Variants in COL18A1 observed in about 807,000 individuals in gnomAD.
COL18A1 encodes collagen type XVIII alpha 1 chain.
Under a neutral mutation model 168.0 loss-of-function variants are expected in COL18A1, and 133 were observed. That is an observed-to-expected ratio of 0.79 (90% CI 0.69 to 0.91). The LOEUF (loss-of-function observed/expected upper bound fraction) is 0.91, where lower values mean the gene tolerates loss of function less well. Among genes scored for constraint, COL18A1 ranks in the 40% least tolerant of loss-of-function variants. The pLI is 0.00. For missense variants in COL18A1, 2,126 were observed against 1,925.4 expected, an observed-to-expected ratio of 1.10 and a Z score of -1.95; for synonymous variants, 949 against 809.0, an observed-to-expected ratio of 1.17 and a Z score of -2.94.
chr21:45,451,148 G>A (rs1001094982), intron 2 of COL18A1, among the ~76,000 whole-genome samples: 6 of 152,238 alleles, frequency 3.9e-5, no homozygotes, highest in Non-Finnish European at 7.3e-5. Flanking sequence ...GAGTGGCTGC[G>A]TGCGGGTAGC....
chr21:45,407,183 C>A (rs1007538571), intron 2 of COL18A1, among the ~76,000 whole-genome samples: 1 of 152,254 alleles, frequency 6.6e-6, no homozygotes, highest in Admixed American at 6.5e-5. Flanking sequence ...AAAACAGTCG[C>A]CCCCTTTAGG....
intron 2 of COL18A1, among the ~76,000 whole-genome samples, chr21:45,464,111 C>G (rs4819120): frequency 0.14 from 21,630 of 152,046 alleles, 1,891 homozygotes; most frequent in African/African-American, 0.23. Flanking sequence ...CAGGAAGAGA[C>G]ACACATCTGC....
chr21:45,475,556 C>T (rs747555234), intron 5 of COL18A1, 21 bp downstream of exon 5: 3 of 1,596,934 alleles, frequency 1.9e-6, no homozygotes, highest in South Asian at 2.3e-5. Flanking sequence ...GGACGGGGCC[C>T]AGCCCACGCT....
At chr21:45,416,887 C>T (rs556321307) in intron 2 of COL18A1, among the ~76,000 whole-genome samples, 83 of 152,322 alleles carry the variant, frequency 5.4e-4, no homozygotes, top group South Asian at 4.1e-4. Flanking sequence ...TGCATTTCCT[C>T]GTCTGAATTG....
chr21:45,480,265 C>G, intron 11 of COL18A1, 109 bp downstream of exon 11: 1 of 1,152,340 alleles, frequency 8.7e-7, no homozygotes, highest in Admixed American at 2.0e-5. Flanking sequence ...TGCGTGGGGT[C>G]TTGGCTGAGC....
Position 45,509,395 on chromosome 21 carries a change from C to G in COL18A1, c.3289C>G (p.Leu1097Val). The G allele has an allele frequency of 6.5e-7, 1 of 1,543,354 alleles. No individual in the cohort carries two copies. The highest frequency in any genetic ancestry group is 8.7e-7 in the Non-Finnish European group (1 of 1,145,144). ...CGCCTTGCAGCCCCCCGTGGTGCAG[C>G]TGCACGACAGCAACCCCTACCCGCG... is the stretch of plus-strand genomic sequence containing the variant. ...VAALQPPVVQ[L>V]HDSNPYPRRE... Residue 1097 changes from leucine (L) to valine (V), a missense_variant, in exon 39 of 42, where the codon CTG becomes GTG. Transcript: ENST00000651438.
intron 4 of COL18A1, among the ~76,000 whole-genome samples, chr21:45,474,332 TGTG>T: frequency 6.8e-6 from 1 of 148,024 alleles, no homozygotes; most frequent in Non-Finnish European, 1.5e-5. Context: ...TCTTGTGTGT[TGTG>T]TGTGGATGTG....
At chr21:45,467,782 G>A (rs113446239) in intron 2 of COL18A1, among the ~76,000 whole-genome samples, 2 of 152,146 alleles carry the variant, frequency 1.3e-5, no homozygotes, top group Admixed American at 1.3e-4. Context: ...CACAGGGCCG[G>A]GCGGGAAGGC....
At chr21:45,497,815 G>A in intron 32 of COL18A1, 154 bp downstream of exon 32, 1 of 1,031,868 alleles carries the variant, frequency 9.7e-7, no homozygotes, top group Non-Finnish European at 1.4e-6. Context: ...CTTCTGGGTT[G>A]ATGGGGGCCT....
chr21:45,478,294 T>C (rs1377160831), intron 8 of COL18A1, 33 bp from the exon 9 acceptor site: 1 of 1,613,684 alleles, frequency 6.2e-7, no homozygotes, highest in African/African-American at 1.3e-5. Flanking sequence ...AGGAGTCATT[T>C]CCCATCACTA....
Position 45,464,214 on chromosome 21 carries a change from G to A in COL18A1, c.107-4028G>A, listed in dbSNP as rs576325521. On this transcript the variant is annotated intron_variant, in intron 2 of 41. Coordinates refer to ENST00000651438, the MANE Select transcript of COL18A1 (RefSeq NM_001379500.1). The stretch of plus-strand genomic sequence containing the variant: ...GCAGAGGTGGATCCCGTAGTCCCTC[G>A]GTGGGAGCTCCAAAGCCTCCCGTTT... Among the ~76,000 whole-genome samples the A allele has an allele frequency of 1.4e-3, 206 of 152,322 alleles. 1 individual carries two copies. The highest frequency in any genetic ancestry group is 4.8e-3 in the South Asian group (23 of 4,828).
At chr21:45,479,283 C>T (rs1309503488) in intron 9 of COL18A1, among the ~76,000 whole-genome samples, 2 of 146,334 alleles carry the variant, frequency 1.4e-5, no homozygotes, top group African/African-American at 4.9e-5. Flanking sequence ...CATGCACACA[C>T]ATTACACACA....
chr21:45,472,250 G>A (rs1168488027), intron 3 of COL18A1, among the ~76,000 whole-genome samples: 1 of 151,116 alleles, frequency 6.6e-6, no homozygotes, highest in Non-Finnish European at 1.5e-5. Context: ...TTGAGACGGA[G>A]TCTCGCTCTG....
chr21:45,438,684 C>T (rs1667326125), intron 2 of COL18A1, among the ~76,000 whole-genome samples: 1 of 152,216 alleles, frequency 6.6e-6, no homozygotes. Context: ...TCAACTCTGA[C>T]GGGAGTCCAC....
intron 3 of COL18A1, among the ~76,000 whole-genome samples, chr21:45,472,080 G>A (rs2145902900): frequency 6.6e-6 from 1 of 152,308 alleles, no homozygotes; most frequent in East Asian, 1.9e-4. Context: ...CACCTGTGGG[G>A]GGGTCAGGGC....
intron 34 of COL18A1, 118 bp from the exon 35 acceptor site, chr21:45,505,016 C>T (rs555071929): frequency 4.0e-5 from 52 of 1,310,938 alleles, no homozygotes; most frequent in South Asian, 2.5e-4. Context: ...GGGAGGGGAC[C>T]GGTGACTCAG....
At chr21:45,512,109 AC>A in intron 41 of COL18A1, 78 bp from the exon 42 acceptor site, 1 of 1,498,926 alleles carries the variant, frequency 6.7e-7, no homozygotes. Flanking sequence ...TCCTGCCTCC[AC>A]CTTTCCTGCC....
chr21:45,489,201 TTGAA>T (rs1366401410), intron 18 of COL18A1, among the ~76,000 whole-genome samples: 4 of 152,192 alleles, frequency 2.6e-5, no homozygotes, highest in Non-Finnish European at 5.9e-5. Flanking sequence ...CTTAAATTGT[TTGAA>T]TGAGGCCGTC....
At chr21:45,486,537 C>T (rs908805938) in intron 15 of COL18A1, among the ~76,000 whole-genome samples, 17 of 151,994 alleles carry the variant, frequency 1.1e-4, no homozygotes, top group African/African-American at 3.9e-4. Context: ...CTCCCCTTGC[C>T]TGCCCGGGAG....
Sources: allele counts gnomAD v4.1 joint callset (sites outside exome capture counted in the v4.1 genomes callset), GRCh38; gene constraint gnomAD v4.1.1; transcripts MANE v1.5; gene names NCBI Gene and HGNC (gene_info 2026-07-23, HGNC 2026-07-21).